RETREG1: variants seen among roughly 807,000 people sequenced by gnomAD.
The protein encoded by RETREG1 is reticulophagy regulator 1, also known as family with sequence similarity 134 member B.
Under a neutral mutation model 54.8 loss-of-function variants are expected in RETREG1, and 44 were observed. The observed-to-expected ratio is 0.80, with a 90% CI of 0.63 to 1.03. The LOEUF (loss-of-function observed/expected upper bound fraction) is 1.03, where lower values mean the gene tolerates loss of function less well. Among genes scored for constraint, RETREG1 ranks in the 50% least tolerant of loss-of-function variants. RETREG1 has a pLI of 0.00. For missense variants in RETREG1, 554 were observed against 605.1 expected (o/e 0.92, Z 0.89); for synonymous variants, 217 against 238.5 (o/e 0.91, Z 0.83).
chr5:16,609,081 C>T (rs753164452), intron 1 of RETREG1, among the ~76,000 whole-genome samples: 58 of 152,154 alleles, frequency 3.8e-4, no homozygotes, highest in Non-Finnish European at 5.4e-4. Flanking sequence ...AATGGCATTC[C>T]GAGTCCCACT....
In RETREG1 at chr5:16,603,570, C is replaced by T. The variant is rs112359208; in HGVS notation, c.320+13082G>A. On this transcript the variant is annotated intron_variant, in intron 1 of 8. Transcript: ENST00000306320. ...TGGGAGAGCGGCTGCCTACAGAGCA[C>T]GCAGCTTTGCAGAGTGGGTGAGAAG... Among the ~76,000 whole-genome samples, 434 of 152,218 alleles carry T rather than the reference C, an allele frequency of 2.9e-3. 1 individual carries two copies. The highest frequency in any genetic ancestry group is 9.6e-3 in the African/African-American group (399 of 41,546).
At position 16,527,800 on chromosome 5, in the gene RETREG1, A is replaced by ATTTTTTTTTTTTTTTTTT. The variant is rs386403108; in HGVS notation, c.458+37945_458+37962dup. Among the ~76,000 whole-genome samples the ATTTTTTTTTTTTTTTTTT allele has an allele frequency of 2.2e-3, 144 of 66,258 alleles. 31 individuals are homozygous for ATTTTTTTTTTTTTTTTTT. Among genetic ancestry groups the ATTTTTTTTTTTTTTTTTT allele is most frequent in the East Asian group, 3.3e-3 (6 of 1,796 alleles). 43.5% of individuals were successfully genotyped at this position (66,258 alleles called of 152,430 possible). A position where few individuals can be genotyped will look rare whatever the true frequency, so the allele number is the denominator to read the frequency against. ...CTTAGTACAATTTCGAGGGACTCTA[A>ATTTTTTTTTTTTTTTTTT]TTTTTTTTTTTTTTTTTTTTTTTTT... On this transcript the variant is annotated intron_variant, in intron 3 of 8. Coordinates refer to ENST00000306320, the MANE Select transcript of RETREG1 (RefSeq NM_001034850.3).
At chr5:16,607,298 G>A (rs188439733) in intron 1 of RETREG1, among the ~76,000 whole-genome samples, 18 of 152,040 alleles carry the variant, frequency 1.2e-4, no homozygotes, top group East Asian at 7.7e-4. Flanking sequence ...TATATCCCCC[G>A]CACCAAGAAC....
Position 16,560,787 on chromosome 5 carries a change from G to A in RETREG1, c.458+4976C>T, listed in dbSNP as rs555331831. Among the ~76,000 whole-genome samples the A allele has an allele frequency of 5.9e-5, 9 of 152,292 alleles. No individual in the cohort carries two copies. The East Asian group carries it at 9.6e-4, about 16-fold the overall frequency. ...ATAAAGTGTTCTTTAATTTTTCAGTGTTAAAAATATAAGCACTATCTAGTG... is the reference window on the plus strand; with the variant it reads ...ATAAAGTGTTCTTTAATTTTTCAGTATTAAAAATATAAGCACTATCTAGTG... On this transcript the variant is annotated intron_variant, in intron 3 of 8. Transcript: ENST00000306320.
At chr5:16,581,142 T>C (rs922404961) in intron 1 of RETREG1, among the ~76,000 whole-genome samples, 1 of 151,764 alleles carries the variant, frequency 6.6e-6, no homozygotes, top group African/African-American at 2.4e-5. Context: ...CAGGGTGAGA[T>C]TGGAAGGGAG....
chr5:16,596,724 A>T (rs1342303996), intron 1 of RETREG1, among the ~76,000 whole-genome samples: 1 of 152,132 alleles, frequency 6.6e-6, no homozygotes, highest in African/African-American at 2.4e-5. Context: ...CAGCCAGGCA[A>T]CCTCACTGCA....
At chr5:16,493,249 C>G (rs1443483409) in intron 3 of RETREG1, among the ~76,000 whole-genome samples, 2 of 152,172 alleles carry the variant, frequency 1.3e-5, no homozygotes, top group Non-Finnish European at 2.9e-5. Flanking sequence ...ACTCAACTAC[C>G]CATCATAGTA....
chr5:16,512,052 C>A (rs924625041), intron 3 of RETREG1, among the ~76,000 whole-genome samples: 2 of 151,046 alleles, frequency 1.3e-5, no homozygotes, highest in Admixed American at 6.6e-5. Context: ...CGACAAGTGT[C>A]CCCCCACTGA....
intron 3 of RETREG1, among the ~76,000 whole-genome samples, chr5:16,553,193 A>G (rs1741591832): frequency 6.6e-6 from 1 of 152,138 alleles, no homozygotes; most frequent in South Asian, 2.1e-4. Context: ...GGAAAAAAAA[A>G]TCCAAAGTCA....
chr5:16,501,194 T>C (rs1370327827), intron 3 of RETREG1, among the ~76,000 whole-genome samples: 2 of 152,216 alleles, frequency 1.3e-5, no homozygotes, highest in African/African-American at 4.8e-5. Context: ...ATTTAATCTA[T>C]AAAACAAACC....
intron 3 of RETREG1, among the ~76,000 whole-genome samples, chr5:16,512,254 C>T (rs1156922690): frequency 6.6e-6 from 1 of 152,160 alleles, no homozygotes; most frequent in African/African-American, 2.4e-5. Flanking sequence ...AACTGTGGAA[C>T]AGCAAAGTCA....
chr5:16,478,921 A>C lies in RETREG1; in HGVS notation c.737T>G (p.Ile246Ser), dbSNP rs1738650472. The C allele has an allele frequency of 1.2e-6, 2 of 1,612,070 alleles. No individual in the cohort carries two copies. The highest frequency in any genetic ancestry group is 4.5e-5 in the East Asian group (2 of 44,764). The change falls in exon 6 of 9, where the codon ATT (isoleucine) becomes AGT (serine). Residue 246 changes from isoleucine (I) to serine (S), a missense_variant. Around this residue, in one of 4 missense-constraint regions of RETREG1, gnomAD observed 347 missense variants for 412.3 expected, o/e 0.84. Transcript: ENST00000306320. ...ATCCAGTTTCAGCAGAACTGACTTA[A>C]TTTTGCTGTAAATTTTTTGTCCAAT... is the stretch of plus-strand genomic sequence containing the variant. ...NDIGQKIYSK[I>S]KSVLLKLDFG... is the part of the protein sequence containing the mutation.
chr5:16,503,605 T>C lies in RETREG1; in HGVS notation c.459-20133A>G, dbSNP rs142450950. Among the ~76,000 whole-genome samples, 713 of 149,658 alleles carry C rather than the reference T, an allele frequency of 4.8e-3. 10 individuals are homozygous for C. The highest frequency in any genetic ancestry group is 0.017 in the African/African-American group (684 of 40,524). ...ACTGCTTGAACCCGGGAGGCAGAGT[T>C]TGCAGTGAGTCAAGATCACTGCACT... On this transcript the variant is annotated intron_variant, in intron 3 of 8. Coordinates refer to ENST00000306320, the MANE Select transcript of RETREG1 (RefSeq NM_001034850.3).
At chr5:16,507,617 T>C (rs2126562363) in intron 3 of RETREG1, among the ~76,000 whole-genome samples, 1 of 152,272 alleles carries the variant, frequency 6.6e-6, no homozygotes, top group South Asian at 2.1e-4. Context: ...TGTAAGAAAA[T>C]GGAAACTAGA....
intron 3 of RETREG1, among the ~76,000 whole-genome samples, chr5:16,549,960 C>T (rs1447396110): frequency 3.3e-5 from 5 of 152,066 alleles, no homozygotes; most frequent in South Asian, 2.1e-4. Flanking sequence ...ACTGCTCGGG[C>T]GTTAAAGTGA....
rs373589877 is a variant in RETREG1 at position 16,577,293 on chromosome 5, T to G, written c.321-5191A>C. Among the ~76,000 whole-genome samples the G allele has an allele frequency of 2.2e-3, 328 of 152,034 alleles. 2 individuals carry two copies. The highest frequency in any genetic ancestry group is 7.1e-3 in the African/African-American group (296 of 41,462). On this transcript the variant is annotated intron_variant, in intron 1 of 8. Coordinates refer to ENST00000306320, the MANE Select transcript of RETREG1 (RefSeq NM_001034850.3). ...GGCTTGATAAGACTTAGGTTTGTTT[T>G]TTTTTTTTTTCCCTCTAAAACCCAA...
Position 16,573,735 on chromosome 5 carries a change from G to GTTTTTTTTTTTT in RETREG1, c.321-1634_321-1633insAAAAAAAAAAAA, listed in dbSNP as rs3993826. Among the ~76,000 whole-genome samples the GTTTTTTTTTTTT allele has an allele frequency of 4.8e-4, 59 of 122,182 alleles. 4 individuals carry two copies. Among genetic ancestry groups the GTTTTTTTTTTTT allele is most frequent in the Non-Finnish European group, 6.9e-4 (40 of 58,262 alleles). 80.2% of individuals were successfully genotyped at this position (122,182 alleles called of 152,430 possible). ...TTTAATTGGTTTTTTGGGTTTGTTTGTTTTTTGTTTTTTTTTTTTTTTTTT... is the reference window on the plus strand; with the variant it reads ...TTTAATTGGTTTTTTGGGTTTGTTTGTTTTTTTTTTTTTTTTTTGTTTTTTTTTTTTTTTTTT... On this transcript the variant is annotated intron_variant, in intron 1 of 8. Coordinates refer to ENST00000306320, the MANE Select transcript of RETREG1 (RefSeq NM_001034850.3).
intron 4 of RETREG1, among the ~76,000 whole-genome samples, chr5:16,482,176 C>T (rs74897829): frequency 0.031 from 4,658 of 151,916 alleles, 247 homozygotes; most frequent in African/African-American, 0.11. Context: ...TTGAAAGAAT[C>T]TGGAATTCTA....
chr5:16,518,796 C>T (rs1032056777), intron 3 of RETREG1, among the ~76,000 whole-genome samples: 29 of 152,184 alleles, frequency 1.9e-4, no homozygotes, highest in Middle Eastern at 3.4e-3. Flanking sequence ...TGAAAGAATA[C>T]AAGAAAGAAA....
Sources: allele counts gnomAD v4.1 joint callset (sites outside exome capture counted in the v4.1 genomes callset), GRCh38; gene constraint gnomAD v4.1.1; regional missense constraint gnomAD v4.1.1; transcripts MANE v1.5; gene names NCBI Gene and HGNC (gene_info 2026-07-23, HGNC 2026-07-21).